The following RANGAP1 variants were observed in gnomAD, a reference collection of about 807,000 sequenced individuals.
The protein encoded by RANGAP1 is Ran GTPase activating protein 1.
A neutral mutation model predicts 63.5 loss-of-function variants in RANGAP1; 38 were observed. The ratio of observed to expected loss-of-function variants is 0.60; its 90% confidence interval spans 0.46 to 0.78. The LOEUF (loss-of-function observed/expected upper bound fraction) is 0.78. Ranked by LOEUF, RANGAP1 falls within the 30% of genes least tolerant of loss-of-function variation. The pLI is 0.00. For missense variants in RANGAP1, 630 were observed against 740.3 expected (o/e 0.85, Z 1.73); for synonymous variants, 329 against 310.5 (o/e 1.06, Z -0.63).
rs1439284044 is a variant in RANGAP1 at position 41,245,354 on chromosome 22, A to T, written c.*1249T>A. Among the ~76,000 whole-genome samples the T allele has an allele frequency of 6.6e-6, 1 of 152,190 alleles. No individual in the cohort carries two copies. Among genetic ancestry groups the T allele is most frequent in the Non-Finnish European group, 1.5e-5 (1 of 68,022 alleles). On this transcript the variant is annotated 3_prime_UTR_variant, in exon 16 of 16. Coordinates refer to ENST00000356244, the MANE Select transcript of RANGAP1 (RefSeq NM_002883.4). ...AAGGATCCCAAGGGAGGTGGCTTCC[A>T]TAGTGAAGGAGCAACGCAGAAGCCA...
intron 13 of RANGAP1, among the ~76,000 whole-genome samples, chr22:41,250,711 C>T (rs746716297): frequency 5.9e-5 from 9 of 152,182 alleles, no homozygotes; most frequent in African/African-American, 1.7e-4. Flanking sequence ...GATAGACCTG[C>T]GTCCATTGGG....
At chr22:41,274,833 T>C (rs2035043829) in intron 2 of RANGAP1, 106 bp from the exon 3 acceptor site, 1 of 1,155,456 alleles carries the variant, frequency 8.7e-7, no homozygotes, top group Non-Finnish European at 1.2e-6. Flanking sequence ...ATGGTGCACC[T>C]ACCATGCAAT....
rs764618830 is a variant in RANGAP1 at position 41,274,693 on chromosome 22, G to A, written c.147C>T (p.Asp49=). 2 of 1,614,196 alleles carry A rather than the reference G, an allele frequency of 1.2e-6. No homozygotes were observed. The highest frequency in any genetic ancestry group is 1.7e-4 in the Middle Eastern group (1 of 6,060). The change falls in exon 3 of 16, where the codon GAC becomes GAT. Residue 49 remains aspartate, a synonymous_variant. Coordinates refer to ENST00000356244, the MANE Select transcript of RANGAP1 (RefSeq NM_002883.4). ...CTTCCAGACGCAGAGCCTCCAAGCT[G>A]TCAAAGTCTTCAATCTCTTTAATCA... is the stretch of plus-strand genomic sequence containing the variant. The part of the protein sequence containing the change: ...KDVIKEIEDF[D]SLEALRLEGN...
intron 5 of RANGAP1, among the ~76,000 whole-genome samples, chr22:41,262,872 A>T (rs533882622): frequency 6.6e-6 from 1 of 152,228 alleles, no homozygotes; most frequent in East Asian, 1.9e-4. Flanking sequence ...TTGCCCCACC[A>T]ACTCCTCTGG....
At chr22:41,266,867 G>A (rs936737163) in intron 4 of RANGAP1, among the ~76,000 whole-genome samples, 1 of 144,506 alleles carries the variant, frequency 6.9e-6, no homozygotes, top group African/African-American at 2.6e-5. Flanking sequence ...TCTTTAACAT[G>A]CAATCACTGA....
intron 5 of RANGAP1, among the ~76,000 whole-genome samples, chr22:41,264,350 G>C (rs1053516796): frequency 2.0e-5 from 3 of 152,190 alleles, no homozygotes; most frequent in Non-Finnish European, 4.4e-5. Context: ...GGCTCTACCA[G>C]CTGCTCTGCG....
At chr22:41,289,003 A>C (rs1601743364), upstream of RANGAP1, among the ~76,000 whole-genome samples, 1 of 146,482 alleles carries the variant, frequency 6.8e-6, no homozygotes, top group Non-Finnish European at 1.5e-5. Flanking sequence ...GCTCACTGCA[A>C]CCTCCGCCTC....
At chr22:41,248,518 C>T (rs915201655) in intron 15 of RANGAP1, among the ~76,000 whole-genome samples, 4 of 152,240 alleles carry the variant, frequency 2.6e-5, no homozygotes, top group Non-Finnish European at 4.4e-5. Context: ...TCTGGGCTCC[C>T]CCAGCAAAGG....
upstream of RANGAP1, among the ~76,000 whole-genome samples, chr22:41,287,169 G>A (rs2035771554): frequency 6.6e-6 from 1 of 152,100 alleles, no homozygotes; most frequent in Non-Finnish European, 1.5e-5. Context: ...AAAAAATGCT[G>A]AAATAATTAG....
intron 3 of RANGAP1, among the ~76,000 whole-genome samples, chr22:41,270,055 G>A (rs1009044456): frequency 6.6e-6 from 1 of 152,018 alleles, no homozygotes; most frequent in East Asian, 1.9e-4. Context: ...AGCTGGTCTT[G>A]AACTCTCGAC....
intron 3 of RANGAP1, among the ~76,000 whole-genome samples, chr22:41,269,045 T>A (rs2034644663): frequency 1.3e-5 from 2 of 152,210 alleles, no homozygotes; most frequent in Non-Finnish European, 1.5e-5. Flanking sequence ...TTTCCATTCA[T>A]AGAAGTGCTT....
chr22:41,269,740 A>T (rs2034685541), intron 3 of RANGAP1, among the ~76,000 whole-genome samples: 1 of 102,472 alleles, frequency 9.8e-6, no homozygotes, highest in African/African-American at 3.0e-5. Flanking sequence ...AGACTCTCTC[A>T]AAAAAAAAAA....
the RANGAP1 span, among the ~76,000 whole-genome samples, chr22:41,292,923 G>A: frequency 2.7e-5 from 4 of 148,504 alleles, no homozygotes; most frequent in African/African-American, 1.0e-4. Context: ...GGGCAACACA[G>A]CAAAACTCTG....
At chr22:41,249,093 TCA>T (rs1478822805) in intron 15 of RANGAP1, among the ~76,000 whole-genome samples, 1 of 152,206 alleles carries the variant, frequency 6.6e-6, no homozygotes, top group Non-Finnish European at 1.5e-5. Context: ...GTCTCCTCTC[TCA>T]CTGTCCCTGA....
intron 10 of RANGAP1, among the ~76,000 whole-genome samples, chr22:41,255,355 C>A (rs559519802): frequency 1.3e-5 from 2 of 152,084 alleles, no homozygotes; most frequent in Non-Finnish European, 2.9e-5. Context: ...CTTGGAGATG[C>A]GAGGGGCACA....
At chr22:41,280,391 G>C (rs2035427708) in intron 2 of RANGAP1, among the ~76,000 whole-genome samples, 1 of 152,218 alleles carries the variant, frequency 6.6e-6, no homozygotes, top group African/African-American at 2.4e-5. Flanking sequence ...TGAAAAGACA[G>C]GGTCTGCTCT....
At chr22:41,285,375 G>C in intron 1 of RANGAP1, 1 of 527,338 alleles carries the variant, frequency 1.9e-6, no homozygotes, top group Non-Finnish European at 2.4e-6. Flanking sequence ...TATAAACCAA[G>C]AAACTGGAGC....
At chr22:41,265,801 G>GC (rs2034432895) in intron 4 of RANGAP1, among the ~76,000 whole-genome samples, 1 of 152,126 alleles carries the variant, frequency 6.6e-6, no homozygotes, top group African/African-American at 2.4e-5. Context: ...GAGACTTTCT[G>GC]CCCTCACCCT....
upstream of RANGAP1, among the ~76,000 whole-genome samples, chr22:41,289,487 G>A (rs1200614094): frequency 6.6e-6 from 1 of 151,966 alleles, no homozygotes; most frequent in South Asian, 2.1e-4. Flanking sequence ...GCTGGGCATG[G>A]TGGCAGACAC....
Sources: gnomAD v4.1 joint callset for allele counts (sites outside exome capture counted in the v4.1 genomes callset) on GRCh38, gnomAD v4.1.1 for gene constraint, MANE v1.5 for transcripts, NCBI Gene and HGNC (gene_info 2026-07-23, HGNC 2026-07-21) for gene names.